Variants in ARHGAP26 observed in about 807,000 individuals in gnomAD.
ARHGAP26 encodes rho GTPase-activating protein 26.
Under a neutral mutation model 104.8 loss-of-function variants are expected in ARHGAP26, and 38 were observed. The ratio of observed to expected loss-of-function variants is 0.36; its 90% CI spans 0.28 to 0.48. The LOEUF (loss-of-function observed/expected upper bound fraction) is 0.48. Among genes scored for constraint, ARHGAP26 ranks in the 20% least tolerant of loss-of-function variants. ARHGAP26 has a pLI of 0.99. For missense variants in ARHGAP26, 704 were observed against 947.9 expected, an observed-to-expected ratio of 0.74 and a Z score of 3.38; for synonymous variants, 341 against 340.0, an observed-to-expected ratio of 1.00 and a Z score of -0.03.
chr5:143,046,366 T>G (rs541940735), intron 14 of ARHGAP26, among the ~76,000 whole-genome samples: 15 of 152,222 alleles, frequency 9.9e-5, no homozygotes, highest in Non-Finnish European at 2.2e-4. Flanking sequence ...CGAGTTTATT[T>G]TTTTGTACTC....
chr5:143,181,645 C>T (rs922893865), intron 20 of ARHGAP26, among the ~76,000 whole-genome samples: 7 of 152,188 alleles, frequency 4.6e-5, no homozygotes, highest in African/African-American at 7.2e-5. Context: ...TTTATTTATA[C>T]GTGACATGAA....
Position 143,041,909 on chromosome 5 carries a change from C to A in ARHGAP26, c.1285+19C>A. On this transcript the variant is annotated intron_variant, in intron 14 of 22. Coordinates refer to ENST00000645722, the MANE Select transcript of ARHGAP26 (RefSeq NM_001135608.3). ...CTGATGGGTGAGTGCCGCAGTGGCTCTGCTAGGCAGGTCCCTGGATGGGGG... is the reference window on the plus strand; with the variant it reads ...CTGATGGGTGAGTGCCGCAGTGGCTATGCTAGGCAGGTCCCTGGATGGGGG... 1 of 1,570,586 alleles carries A rather than the reference C, an allele frequency of 6.4e-7. No individual in the cohort carries two copies. The highest frequency in any genetic ancestry group is 8.6e-7 in the Non-Finnish European group (1 of 1,157,058).
chr5:143,157,119 A>G (rs1304412155), intron 20 of ARHGAP26, among the ~76,000 whole-genome samples: 2 of 151,980 alleles, frequency 1.3e-5, no homozygotes, highest in Non-Finnish European at 2.9e-5. Context: ...CCAAACTGGT[A>G]CAGGAAGGGA....
At chr5:143,013,679 G>A (rs1436592344) in intron 11 of ARHGAP26, among the ~76,000 whole-genome samples, 1 of 152,174 alleles carries the variant, frequency 6.6e-6, no homozygotes, top group Non-Finnish European at 1.5e-5. Flanking sequence ...AACAGCTCCT[G>A]CCCAACAGAA....
chr5:142,875,787 C>G (rs1478057254), intron 3 of ARHGAP26, among the ~76,000 whole-genome samples: 1 of 152,192 alleles, frequency 6.6e-6, no homozygotes, highest in Admixed American at 6.5e-5. Context: ...GTCACCCAGG[C>G]TGGAGTGCAG....
chr5:143,167,953 G>C (rs1269189525), intron 20 of ARHGAP26, among the ~76,000 whole-genome samples: 2 of 152,164 alleles, frequency 1.3e-5, no homozygotes, highest in African/African-American at 2.4e-5. Flanking sequence ...TTCACGATGA[G>C]AAATAACAGA....
Position 143,209,211 on chromosome 5 carries a change from C to CT in ARHGAP26, c.2099+1909dup, listed in dbSNP as rs1809051803. Among the ~76,000 whole-genome samples, 8 of 152,198 alleles carry CT rather than the reference C, an allele frequency of 5.3e-5. No homozygotes were observed. In the South Asian group the frequency reaches 1.4e-3, roughly 28 times the overall value. On this transcript the variant is annotated intron_variant, in intron 21 of 22. Transcript: ENST00000645722. ...GTCCTCTCTGCCTTGATGGTACTCA[C>CT]TTTTTTGTGACTCTGAGATTTGGGG...
chr5:143,016,799 G>A (rs1779650730), intron 12 of ARHGAP26, among the ~76,000 whole-genome samples: 2 of 151,828 alleles, frequency 1.3e-5, no homozygotes, highest in Admixed American at 1.3e-4. Context: ...TGGCAAACCA[G>A]TGTGATGGTC....
chr5:143,143,431 A>G (rs1353040649), intron 19 of ARHGAP26, among the ~76,000 whole-genome samples: 1 of 152,130 alleles, frequency 6.6e-6, no homozygotes, highest in Non-Finnish European at 1.5e-5. Flanking sequence ...AACAAGTACA[A>G]TATCACCAAA....
intron 12 of ARHGAP26, among the ~76,000 whole-genome samples, chr5:143,026,459 T>C (rs905183783): frequency 6.6e-6 from 1 of 152,046 alleles, no homozygotes; most frequent in Admixed American, 6.5e-5. Flanking sequence ...AGAGGTGACA[T>C]TTGAGAAGAA....
chr5:143,166,071 A>G (rs1801899727), intron 20 of ARHGAP26: 1 of 1,323,228 alleles, frequency 7.6e-7, no homozygotes, highest in Non-Finnish European at 1.0e-6. Context: ...ACTGAGGTGC[A>G]GAGTCCTGCT....
chr5:142,807,659 C>T (rs148398627), intron 1 of ARHGAP26, among the ~76,000 whole-genome samples: 8 of 152,256 alleles, frequency 5.3e-5, no homozygotes, highest in Admixed American at 1.3e-4. Context: ...TGATACATTC[C>T]CAGAATGTTC....
At chr5:142,910,332 T>C (rs758415304) in intron 9 of ARHGAP26, among the ~76,000 whole-genome samples, 3 of 152,208 alleles carry the variant, frequency 2.0e-5, no homozygotes, top group Non-Finnish European at 2.9e-5. Context: ...TCCCATGACG[T>C]CACTATTTCC....
intron 10 of ARHGAP26, among the ~76,000 whole-genome samples, chr5:142,925,660 G>A (rs1019150549): frequency 1.3e-5 from 2 of 152,164 alleles, no homozygotes; most frequent in Non-Finnish European, 2.9e-5. Context: ...GCAAGTGGAT[G>A]GCAGCTGATG....
At chr5:142,972,774 C>T (rs1475900215) in intron 11 of ARHGAP26, among the ~76,000 whole-genome samples, 1 of 151,962 alleles carries the variant, frequency 6.6e-6, no homozygotes, top group Non-Finnish European at 1.5e-5. Flanking sequence ...ACGTTGTGTC[C>T]TTTGACCTCT....
In ARHGAP26 at chr5:142,898,831, C is replaced by T. The variant is rs898979485; in HGVS notation, c.598-3104C>T. 7.9e-5 allele frequency among the ~76,000 whole-genome samples: 12 copies of T among 152,248 alleles called. No homozygotes were observed. The Middle Eastern group carries it at 0.017, about 216-fold the overall frequency. On this transcript the variant is annotated intron_variant, in intron 6 of 22. Transcript: ENST00000645722. ...GCTGCCCTTCTCTTTGTTGCCTGTGCGGATGATTCTTGGTAGCTGTATTAG... is the reference window on the plus strand; with the variant it reads ...GCTGCCCTTCTCTTTGTTGCCTGTGTGGATGATTCTTGGTAGCTGTATTAG...
At chr5:143,222,283 ACC>A in intron 22 of ARHGAP26, 73 bp from the exon 23 acceptor site, 1 of 861,572 alleles carries the variant, frequency 1.2e-6, no homozygotes, top group Non-Finnish European at 1.8e-6. Context: ...ACACACACAC[ACC>A]CCACACACAC....
intron 11 of ARHGAP26, among the ~76,000 whole-genome samples, chr5:143,012,576 T>TATATATATATATATATA (rs1554195628): frequency 3.4e-3 from 193 of 56,890 alleles, no homozygotes; most frequent in Non-Finnish European, 5.2e-3. Context: ...TATATATATA[T>TATATATATATATATATA]TATGATCAGG....
intron 20 of ARHGAP26, among the ~76,000 whole-genome samples, chr5:143,150,871 T>C (rs1420623392): frequency 6.6e-6 from 1 of 152,236 alleles, no homozygotes; most frequent in African/African-American, 2.4e-5. Context: ...TAATTATGAC[T>C]TTTTAGATAC....
Sources: allele counts gnomAD v4.1 joint callset (sites outside exome capture counted in the v4.1 genomes callset), GRCh38; gene constraint gnomAD v4.1.1; transcripts MANE v1.5; gene names NCBI Gene and HGNC (gene_info 2026-07-23, HGNC 2026-07-21).